MTCL1: variants seen among roughly 807,000 people sequenced by gnomAD.
The protein encoded by MTCL1 is microtubule crosslinking factor 1.
Under a neutral mutation model 141.4 loss-of-function variants are expected in MTCL1, and 79 were observed. That is an observed-to-expected ratio of 0.56 (90% CI 0.47 to 0.67). The LOEUF (loss-of-function observed/expected upper bound fraction) is 0.67, where lower values mean the gene tolerates loss of function less well. Ranked by LOEUF, MTCL1 falls within the 30% of genes least tolerant of loss-of-function variation. MTCL1 has a pLI of 0.00. For missense variants in MTCL1, 2,177 were observed against 2,113.9 expected (o/e 1.03, Z -0.59); for synonymous variants, 914 against 875.8 (o/e 1.04, Z -0.77).
At chr18:8,726,984 A>G (rs557272573) in intron 4 of MTCL1, among the ~76,000 whole-genome samples, 2 of 152,078 alleles carry the variant, frequency 1.3e-5, no homozygotes, top group Non-Finnish European at 2.9e-5. Flanking sequence ...CCCAGTGTCT[A>G]TTATTTACAT....
chr18:8,739,646 G>A (rs1879536709), intron 4 of MTCL1, among the ~76,000 whole-genome samples: 3 of 152,226 alleles, frequency 2.0e-5, no homozygotes, highest in Admixed American at 2.0e-4. Flanking sequence ...CTGCTCAAAG[G>A]GGAGGTCTGT....
At chr18:8,730,568 C>T (rs937454817) in intron 4 of MTCL1, among the ~76,000 whole-genome samples, 1 of 152,208 alleles carries the variant, frequency 6.6e-6, no homozygotes, top group Admixed American at 6.5e-5. Flanking sequence ...AGCGAAGCCG[C>T]TTCTGTTCAT....
At chr18:8,719,417 T>G (rs2096152715) in intron 3 of MTCL1, among the ~76,000 whole-genome samples, 1 of 152,256 alleles carries the variant, frequency 6.6e-6, no homozygotes, top group Non-Finnish European at 1.5e-5. Flanking sequence ...GTGATTTATA[T>G]TTCTCTTACA....
chr18:8,716,748 T>C (rs1035866890), upstream of MTCL1, among the ~76,000 whole-genome samples: 6 of 152,074 alleles, frequency 3.9e-5, no homozygotes, highest in East Asian at 9.6e-4. Context: ...AGGAGAGATT[T>C]TTTTTTCTTG....
In MTCL1 at chr18:8,747,601, G is replaced by A. The variant is rs189006417; in HGVS notation, c.357+27105G>A. Among the ~76,000 whole-genome samples, 234 of 152,312 alleles carry A rather than the reference G, an allele frequency of 1.5e-3. 2 individuals carry two copies. The highest frequency in any genetic ancestry group is 3.3e-3 in the Admixed American group (51 of 15,308). On this transcript the variant is annotated intron_variant, in intron 4 of 16. Transcript: ENST00000359865. ...ACCAGTCATCTTGGATCCGGCCCAT[G>A]CAGTCTAGTAGGTCCTCCTCTAAAC...
At chr18:8,813,331 C>T in intron 12 of MTCL1, 98 bp downstream of exon 11, 1 of 1,394,208 alleles carries the variant, frequency 7.2e-7, no homozygotes, top group Non-Finnish European at 9.7e-7. Flanking sequence ...ATGGTCCTTG[C>T]AGCATCAGGA....
chr18:8,811,006 A>G (rs605144), intron 11 of MTCL1: 53,545 of 152,018 alleles, frequency 0.35, 10,052 homozygotes, highest in East Asian at 0.66. Context: ...GTCCCTTGTG[A>G]GCAAAAACTT....
intron 5 of MTCL1, among the ~76,000 whole-genome samples, chr18:8,778,660 G>T (rs376997294): frequency 1.3e-5 from 2 of 152,218 alleles, no homozygotes; most frequent in Non-Finnish European, 2.9e-5. Flanking sequence ...TCATTCAAGG[G>T]GGGGCAGGCC....
intron 10 of MTCL1, among the ~76,000 whole-genome samples, chr18:8,803,930 G>A (rs2076207657): frequency 6.6e-6 from 1 of 152,144 alleles, no homozygotes; most frequent in Admixed American, 6.5e-5. Context: ...AACAGCATAG[G>A]CTGATACCAT....
chr18:8,750,409 C>T (rs1372213054), intron 4 of MTCL1, among the ~76,000 whole-genome samples: 1 of 152,178 alleles, frequency 6.6e-6, no homozygotes, highest in Non-Finnish European at 1.5e-5. Context: ...TGGAGAGAGC[C>T]CGGTCCTGGA....
At chr18:8,756,353 GTATATATGTA>G (rs1227159951) in intron 4 of MTCL1, among the ~76,000 whole-genome samples, 9,732 of 149,706 alleles carry the variant, frequency 0.065, 1,088 homozygotes, top group African/African-American at 0.23. Flanking sequence ...ATATATATGT[GTATATATGTA>G]TATATGTGTA....
At chr18:8,756,875 CTGGATTTCTA>C (rs1222688285) in intron 4 of MTCL1, among the ~76,000 whole-genome samples, 1 of 152,140 alleles carries the variant, frequency 6.6e-6, no homozygotes, top group African/African-American at 2.4e-5. Context: ...GTGAAGTTAG[CTGGATTTCTA>C]TCTCCTAGTG....
chr18:8,791,008 C>G (rs565287459), intron 7 of MTCL1, among the ~76,000 whole-genome samples: 1 of 152,168 alleles, frequency 6.6e-6, no homozygotes, highest in South Asian at 2.1e-4. Flanking sequence ...GAGCGAGACC[C>G]TGTCTCAAAA....
chr18:8,807,132 G>A (rs921684339), intron 11 of MTCL1, 72 bp downstream of exon 10: 9 of 1,446,364 alleles, frequency 6.2e-6, no homozygotes, highest in African/African-American at 4.2e-5. Flanking sequence ...GCGGGGGAGC[G>A]GGCACAGAGA....
At chr18:8,776,719 C>CTAGT (rs1274023964) in intron 4 of MTCL1, among the ~76,000 whole-genome samples, 17 of 138,848 alleles carry the variant, frequency 1.2e-4, no homozygotes, top group East Asian at 4.1e-4. Context: ...TCAGGAAACA[C>CTAGT]TAGTTATTTA....
chr18:8,789,402 G>T, intron 7 of MTCL1: 4 of 985,370 alleles, frequency 4.1e-6, no homozygotes, highest in Non-Finnish European at 4.8e-6. Context: ...AGCATTGCTA[G>T]GCACTCTAGT....
At chr18:8,737,253 A>G (rs566799250) in intron 4 of MTCL1, among the ~76,000 whole-genome samples, 2 of 152,364 alleles carry the variant, frequency 1.3e-5, no homozygotes, top group Non-Finnish European at 2.9e-5. Context: ...TGTTCATGAT[A>G]AAGTTTTCTT....
chr18:8,734,754 A>C (rs911842626), intron 4 of MTCL1, among the ~76,000 whole-genome samples: 2 of 152,166 alleles, frequency 1.3e-5, no homozygotes, highest in African/African-American at 4.8e-5. Flanking sequence ...CCCTGGCTGC[A>C]CGGTAGCATC....
rs1363646535 is a variant in MTCL1 at position 8,786,107 on chromosome 18, C to T, written c.1887+16C>T. 2.7e-6 allele frequency: 4 copies of T among 1,469,272 alleles called. No individual in the cohort carries two copies. The highest frequency in any genetic ancestry group is 3.6e-6 in the Non-Finnish European group (4 of 1,113,232). The allele number at this position is 1,469,272 out of a possible 1,614,324, so 91.0% of individuals were successfully genotyped here. ...CAGCCTGGAGGTCAGCGTGGGCAAG[C>T]AATCCCCCCCCCCCGCCCTCCCCCT... On this transcript the variant is annotated intron_variant, in intron 7 of 16. Coordinates refer to ENST00000359865, the Ensembl canonical transcript of MTCL1.
Sources: gnomAD v4.1 joint callset for allele counts (sites outside exome capture counted in the v4.1 genomes callset) on GRCh38, gnomAD v4.1.1 for gene constraint, MANE v1.5 for transcripts, NCBI Gene and HGNC (gene_info 2026-07-23, HGNC 2026-07-21) for gene names.